The following DDX31 variants were observed in gnomAD, a reference collection of about 807,000 sequenced individuals.
DDX31 encodes the protein DEAD-box helicase 31.
In DDX31, 70 loss-of-function variants were observed where a neutral mutation model predicts 91.3. The ratio of observed to expected loss-of-function variants is 0.77; its 90% CI spans 0.63 to 0.94. The LOEUF (loss-of-function observed/expected upper bound fraction) is 0.94, where lower values mean the gene tolerates loss of function less well. Among genes scored for constraint, DDX31 ranks in the 40% least tolerant of loss-of-function variants. DDX31 has a pLI of 0.00. For synonymous variants in DDX31, 362 were observed against 350.6 expected (o/e 1.03, Z -0.36); for missense variants, 902 against 925.0 (o/e 0.98, Z 0.32).
intron 15 of DDX31, among the ~76,000 whole-genome samples, chr9:132,631,765 T>C (rs1281834057): frequency 1.3e-5 from 2 of 152,166 alleles, no homozygotes; most frequent in African/African-American, 4.8e-5. Flanking sequence ...TTTCAGGTTG[T>C]TGAAATTTTG....
At chr9:132,651,491 T>C (rs1834181905) in intron 7 of DDX31, among the ~76,000 whole-genome samples, 1 of 152,188 alleles carries the variant, frequency 6.6e-6, no homozygotes, top group South Asian at 2.1e-4. Flanking sequence ...ATATAATATG[T>C]ACGCAGAGTA....
In DDX31 at chr9:132,639,425, C is replaced by T. The variant is rs183017323; in HGVS notation, c.1440+2579G>A. Among the ~76,000 whole-genome samples, 547 of 152,300 alleles carry T rather than the reference C, an allele frequency of 3.6e-3. 18 individuals carry two copies. In the South Asian group the frequency reaches 0.072, roughly 20 times the overall value. ...CTAGAAAATGAACAAAGACTGAGGG[C>T]TTTAGAGAAATCAGGCTGTGGGCGA... On this transcript the variant is annotated intron_variant, in intron 14 of 19. Transcript: ENST00000372159.
chr9:132,660,754 A>AC (rs2130839307), intron 4 of DDX31, among the ~76,000 whole-genome samples: 1 of 152,224 alleles, frequency 6.6e-6, no homozygotes, highest in East Asian at 1.9e-4. Flanking sequence ...ATCTCCTCGC[A>AC]CCTATTTTAC....
intron 17 of DDX31, among the ~76,000 whole-genome samples, chr9:132,620,204 C>T (rs572647785): frequency 1.8e-4 from 28 of 151,868 alleles, no homozygotes; most frequent in Non-Finnish European, 3.4e-4. Context: ...GCCAGGGAGG[C>T]AGAGAGGTTT....
intron 14 of DDX31, among the ~76,000 whole-genome samples, chr9:132,640,202 C>A (rs1226491005): frequency 6.6e-6 from 1 of 152,152 alleles, no homozygotes; most frequent in Non-Finnish European, 1.5e-5. Flanking sequence ...ATTGGGACAG[C>A]CCCATGGGGA....
chr9:132,652,564 G>A (rs1439726965), intron 6 of DDX31, 72 bp from the exon 7 acceptor site: 4 of 1,581,554 alleles, frequency 2.5e-6, no homozygotes, highest in East Asian at 2.2e-5. Context: ...CAGGACACAG[G>A]GGTGGCCGGT....
In DDX31 at chr9:132,635,874, G is replaced by A. The variant is rs552637899; in HGVS notation, c.1441-3783C>T. ...CAGGAAAACTGCTTGAACCCGGGAG[G>A]TGGAGGGTGCAGTGAGCCAAGATTG... On this transcript the variant is annotated intron_variant, in intron 14 of 19. Transcript: ENST00000372159. Among the ~76,000 whole-genome samples the A allele has an allele frequency of 1.2e-3, 179 of 152,016 alleles. 1 individual carries two copies. The highest frequency in any genetic ancestry group is 3.0e-3 in the African/African-American group (125 of 41,476).
rs1239712255 is a variant in DDX31 at position 132,595,744 on chromosome 9, A to G, written c.1995-632T>C. 1.3e-5 allele frequency among the ~76,000 whole-genome samples: 2 copies of G among 152,170 alleles called. No individual in the cohort carries two copies. Among genetic ancestry groups the G allele is most frequent in the African/African-American group, 4.8e-5 (2 of 41,432 alleles). On this transcript the variant is annotated intron_variant, in intron 19 of 19. Transcript: ENST00000372159. This position sits in a 1 kb window ranked among gnomAD's most constrained non-coding sequence, Gnocchi z 4.6. Reference sequence around the variant, plus strand: ...GGTCAATGTCTGCATCTAGGATTAGACCAGCAGCTTTCTGCAGCCCACACA... The same window carrying G: ...GGTCAATGTCTGCATCTAGGATTAGGCCAGCAGCTTTCTGCAGCCCACACA...
intron 19 of DDX31, among the ~76,000 whole-genome samples, chr9:132,605,986 T>C (rs978498081): frequency 6.6e-6 from 1 of 152,026 alleles, no homozygotes. Context: ...GCGCCGGGGC[T>C]GAGGGCTGCT....
chr9:132,658,590 T>C (rs979073889), intron 6 of DDX31, 81 bp downstream of exon 6: 3 of 1,274,928 alleles, frequency 2.4e-6, no homozygotes, highest in Non-Finnish European at 2.3e-6. Context: ...ATTCTTTTAG[T>C]CCTAATATTT....
At chr9:132,649,398 A>C (rs761331137) in intron 9 of DDX31, among the ~76,000 whole-genome samples, 1 of 152,232 alleles carries the variant, frequency 6.6e-6, no homozygotes, top group Non-Finnish European at 1.5e-5. Context: ...AATTAGATGC[A>C]ATGGTTGGAG....
intron 2 of DDX31, 47 bp downstream of exon 2, chr9:132,662,392 C>T (rs1405802320): frequency 1.2e-6 from 2 of 1,613,694 alleles, no homozygotes; most frequent in African/African-American, 2.7e-5. Context: ...AAAGAAAAGG[C>T]AGAACACATT....
chr9:132,606,033 G>C (rs1481445232), intron 19 of DDX31, among the ~76,000 whole-genome samples: 3 of 152,192 alleles, frequency 2.0e-5, no homozygotes, highest in Non-Finnish European at 4.4e-5. Flanking sequence ...GGAGGGAAGA[G>C]ACAGATTTAA....
intron 1 of DDX31, chr9:132,663,114 C>T (rs1835086668): frequency 1.3e-5 from 16 of 1,217,818 alleles, no homozygotes; most frequent in East Asian, 5.6e-5. Flanking sequence ...TGGGGGAAAA[C>T]GAATCTTTTC....
At chr9:132,639,021 T>C (rs1833309023) in intron 14 of DDX31, among the ~76,000 whole-genome samples, 1 of 152,164 alleles carries the variant, frequency 6.6e-6, no homozygotes, top group Non-Finnish European at 1.5e-5. Context: ...TCCATCTGTC[T>C]CGTCCTGAAG....
At chr9:132,638,098 C>T in intron 14 of DDX31, 1 of 1,312,712 alleles carries the variant, frequency 7.6e-7, no homozygotes, top group South Asian at 2.1e-5. Flanking sequence ...ACGCGCCGGA[C>T]AGCCAAGGAG....
intron 14 of DDX31, 105 bp from the exon 15 acceptor site, chr9:132,632,196 A>G: frequency 1.2e-6 from 1 of 841,180 alleles, no homozygotes; most frequent in Non-Finnish European, 1.8e-6. Context: ...TCACCCGCCC[A>G]CAGTACATGC....
At chr9:132,611,175 A>C (rs1304877710) in intron 19 of DDX31, among the ~76,000 whole-genome samples, 1 of 152,202 alleles carries the variant, frequency 6.6e-6, no homozygotes, top group Non-Finnish European at 1.5e-5. Context: ...TTTGTAAATT[A>C]ACGTGGAAAA....
chr9:132,625,691 A>T lies in DDX31; in HGVS notation c.1686T>A (p.Cys562Ter). 6.2e-7 allele frequency: 1 copy of T among 1,614,046 alleles called. No homozygotes were observed. Among genetic ancestry groups the T allele is most frequent in the Non-Finnish European group, 8.5e-7 (1 of 1,179,996 alleles). ...GGGCTCCCCATCGTTTCCCTTTAAAACAATCATCTCTTGTCAGAACACACA... is the reference window on the plus strand; with the variant it reads ...GGGCTCCCCATCGTTTCCCTTTAAATCAATCATCTCTTGTCAGAACACACA... ...DILCVLTRDD[C>*]FKGKRWGAQK... The change falls in exon 17 of 20, where the codon TGT becomes TGA. Residue 562 changes from cysteine (C) to a stop codon, truncating the protein, a stop_gained. Transcript: ENST00000372159. LOFTEE classifies it high-confidence loss of function.
Sources: allele counts gnomAD v4.1 joint callset (sites outside exome capture counted in the v4.1 genomes callset), GRCh38; gene constraint gnomAD v4.1.1; non-coding constraint Gnocchi (gnomAD v3.1); transcripts MANE v1.5; gene names NCBI Gene and HGNC (gene_info 2026-07-23, HGNC 2026-07-21).